The following TRAK1 variants were observed in gnomAD, a reference collection of about 807,000 sequenced individuals.
TRAK1 encodes the protein trafficking kinesin protein 1, also known as trafficking kinesin-binding protein 1.
In TRAK1, 33 loss-of-function variants were observed where a neutral mutation model predicts 92.1. The ratio of observed to expected loss-of-function variants is 0.36; its 90% CI spans 0.27 to 0.48. TRAK1 has a LOEUF of 0.48. TRAK1 is among the 20% of genes least tolerant of loss of function. The probability of loss-of-function intolerance (pLI) is 0.99; values close to 1 mark genes in which losing one functional copy is unlikely to be tolerated. For missense variants in TRAK1, 1,123 were observed against 1,257.9 expected (o/e 0.89, Z 1.62); for synonymous variants, 521 against 517.3 (o/e 1.01, Z -0.10).
At chr3:42,045,327 G>T (rs1379711509) in intron 1 of TRAK1, among the ~76,000 whole-genome samples, 1 of 152,128 alleles carries the variant, frequency 6.6e-6, no homozygotes, top group Non-Finnish European at 1.5e-5. Context: ...CTGAGGTCAG[G>T]AGTTTGAGAC....
intron 1 of TRAK1, among the ~76,000 whole-genome samples, chr3:42,103,105 G>A (rs1007336457): frequency 3.9e-5 from 6 of 152,100 alleles, no homozygotes; most frequent in Non-Finnish European, 7.4e-5. Flanking sequence ...TTCACCCCCC[G>A]AAAAGCTCCT....
chr3:42,116,054 C>T (rs1030139666), intron 1 of TRAK1, among the ~76,000 whole-genome samples: 1 of 152,236 alleles, frequency 6.6e-6, no homozygotes, highest in African/African-American at 2.4e-5. Context: ...AAGTGCTTTG[C>T]GTTGTTCAGC....
intron 14 of TRAK1, 78 bp downstream of exon 14, chr3:42,210,063 A>G: frequency 6.2e-7 from 1 of 1,611,488 alleles, no homozygotes. Flanking sequence ...CCCAGAGGAG[A>G]TGCAGGAGCC....
At chr3:42,126,145 CTTT>C (rs777698681) in intron 2 of TRAK1, among the ~76,000 whole-genome samples, 1 of 144,870 alleles carries the variant, frequency 6.9e-6, no homozygotes. Context: ...TGGGAGCCAA[CTTT>C]TTTTTTTTTT....
At chr3:42,193,527 G>A (rs541651995) in intron 8 of TRAK1, among the ~76,000 whole-genome samples, 1 of 152,226 alleles carries the variant, frequency 6.6e-6, no homozygotes, top group East Asian at 1.9e-4. Context: ...TGCTGCAGTA[G>A]AGCAGTATCC....
intron 1 of TRAK1, among the ~76,000 whole-genome samples, chr3:42,059,001 C>T (rs1703315731): frequency 6.6e-6 from 1 of 151,876 alleles, no homozygotes; most frequent in South Asian, 2.1e-4. Context: ...AAAATAAATC[C>T]AGGTGTGTAT....
chr3:42,210,115 AGGG>A (rs762654471), intron 14 of TRAK1, 130 bp downstream of exon 14: 20 of 1,558,936 alleles, frequency 1.3e-5, no homozygotes, highest in Non-Finnish European at 1.7e-5. Flanking sequence ...GAGGAGGAGG[AGGG>A]GTCTGGTGAG....
chr3:42,025,348 A>G (rs1361040612), intron 1 of TRAK1, among the ~76,000 whole-genome samples: 3 of 152,216 alleles, frequency 2.0e-5, no homozygotes, highest in African/African-American at 4.8e-5. Context: ...CATTTTAAAA[A>G]TAAGTATAGG....
intron 1 of TRAK1, among the ~76,000 whole-genome samples, chr3:42,035,373 C>T (rs1171313898): frequency 4.6e-5 from 7 of 152,158 alleles, no homozygotes; most frequent in Non-Finnish European, 8.8e-5. Flanking sequence ...TTGGTTCAGA[C>T]CTGTCTCCTG....
chr3:42,169,430 G>A (rs1553744879), intron 2 of TRAK1, among the ~76,000 whole-genome samples: 90,212 of 151,872 alleles, frequency 0.59, 27,405 homozygotes, highest in East Asian at 0.95. Context: ...ATGTTTGTGT[G>A]TGCATATATG....
At chr3:42,151,193 C>T in intron 2 of TRAK1, 1 of 366,392 alleles carries the variant, frequency 2.7e-6, no homozygotes, top group South Asian at 2.1e-5. Flanking sequence ...AAGAAGGTTT[C>T]CTAATACCAT....
upstream of TRAK1, among the ~76,000 whole-genome samples, chr3:42,013,466 G>A (rs1701385864): frequency 6.6e-6 from 1 of 151,986 alleles, no homozygotes; most frequent in Admixed American, 6.5e-5. The surrounding 1 kb of genome is among the most constrained non-coding windows in gnomAD (Gnocchi z 5.1). Context: ...AAAGTGCAGG[G>A]GCAGCCGCGG....
At chr3:42,043,883 T>G (rs1702656394) in intron 1 of TRAK1, among the ~76,000 whole-genome samples, 1 of 152,150 alleles carries the variant, frequency 6.6e-6, no homozygotes, top group Non-Finnish European at 1.5e-5. Context: ...ACCTTTCAGT[T>G]GGCAGGAAGC....
At chr3:42,022,279 CTT>C (rs1311221638) in intron 1 of TRAK1, among the ~76,000 whole-genome samples, 2 of 152,168 alleles carry the variant, frequency 1.3e-5, no homozygotes, top group African/African-American at 4.8e-5. Flanking sequence ...GGGAAAACAT[CTT>C]TCTATTTGAG....
intron 1 of TRAK1, among the ~76,000 whole-genome samples, chr3:42,104,167 C>T (rs568532260): frequency 8.1e-4 from 123 of 152,196 alleles, no homozygotes; most frequent in African/African-American, 2.6e-3. Flanking sequence ...ACAAAACAGC[C>T]GGGAAGCTCG....
At chr3:42,056,507 T>C (rs1703212150) in intron 1 of TRAK1, among the ~76,000 whole-genome samples, 1 of 152,224 alleles carries the variant, frequency 6.6e-6, no homozygotes, top group South Asian at 2.1e-4. Context: ...GGATAACAGA[T>C]GTTAAAAACA....
chr3:42,027,522 GA>G lies in TRAK1; in HGVS notation c.-519+13418del, dbSNP rs754971016. On this transcript the variant is annotated intron_variant, in intron 1 of 16. Transcript: ENST00000487159. ...TGGGAGACAGAGCAAGACTCCATCT[GA>G]AAAAAAAAAAAAGTAAAGCTTTTCT... Among the ~76,000 whole-genome samples, 715 of 133,270 alleles carry G rather than the reference GA, an allele frequency of 5.4e-3. 5 individuals are homozygous for G. Among genetic ancestry groups the G allele is most frequent in the African/African-American group, 0.018 (635 of 36,274 alleles). 87.4% of individuals were successfully genotyped at this position (133,270 alleles called of 152,430 possible).
intron 1 of TRAK1, among the ~76,000 whole-genome samples, chr3:42,106,298 A>C (rs1046355791): frequency 5.3e-5 from 8 of 152,238 alleles, no homozygotes; most frequent in African/African-American, 1.9e-4. Flanking sequence ...AGACACACAT[A>C]GGCTCAAAAT....
At chr3:42,049,654 CTT>C (rs949241260) in intron 1 of TRAK1, among the ~76,000 whole-genome samples, 5 of 151,910 alleles carry the variant, frequency 3.3e-5, no homozygotes, top group African/African-American at 1.2e-4. Context: ...AATTCTCATT[CTT>C]TCATTTGTTT....
Sources: allele counts gnomAD v4.1 joint callset (sites outside exome capture counted in the v4.1 genomes callset), GRCh38; gene constraint gnomAD v4.1.1; non-coding constraint Gnocchi (gnomAD v3.1); transcripts MANE v1.5; gene names NCBI Gene and HGNC (gene_info 2026-07-23, HGNC 2026-07-21).